The following RPN2 variants were observed in gnomAD, a reference collection of about 807,000 sequenced individuals.
RPN2 encodes the protein ribophorin II.
Under a neutral mutation model 71.4 loss-of-function variants are expected in RPN2, and 29 were observed. The observed-to-expected ratio is 0.41, with a 90% CI of 0.30 to 0.55. RPN2 has a LOEUF of 0.55. Ranked by LOEUF, RPN2 falls within the 20% of genes least tolerant of loss-of-function variation. The pLI is 0.35. For missense variants in RPN2, 726 were observed against 774.1 expected, an observed-to-expected ratio of 0.94 and a Z score of 0.74; for synonymous variants, 308 against 305.0, an observed-to-expected ratio of 1.01 and a Z score of -0.10.
At chr20:37,215,636 C>T (rs960839195) in intron 9 of RPN2, among the ~76,000 whole-genome samples, 4 of 152,048 alleles carry the variant, frequency 2.6e-5, no homozygotes, top group African/African-American at 9.7e-5. Flanking sequence ...CTTTTCACTT[C>T]TACCTTCTAG....
At chr20:37,217,257 A>G (rs187091395) in intron 9 of RPN2, among the ~76,000 whole-genome samples, 5 of 148,262 alleles carry the variant, frequency 3.4e-5, no homozygotes, top group South Asian at 2.2e-4. Context: ...GAGAACTCCT[A>G]TGGGTGAAAA....
At chr20:37,185,595 T>C (rs1327694783) in intron 2 of RPN2, among the ~76,000 whole-genome samples, 1 of 152,122 alleles carries the variant, frequency 6.6e-6, no homozygotes, top group Non-Finnish European at 1.5e-5. Context: ...CACCGACTTA[T>C]TGGCTTATAT....
intron 9 of RPN2, among the ~76,000 whole-genome samples, chr20:37,223,025 T>C (rs114803775): frequency 0.03 from 4,561 of 152,294 alleles, 218 homozygotes; most frequent in African/African-American, 0.1. Context: ...ATTCTTTAGG[T>C]GGTCAACTGG....
chr20:37,237,786 A>G (rs1024856662), intron 16 of RPN2, among the ~76,000 whole-genome samples: 1 of 152,200 alleles, frequency 6.6e-6, no homozygotes, highest in African/African-American at 2.4e-5. Flanking sequence ...GCCAGGACTC[A>G]GTTGCTTTTG....
At chr20:37,189,901 G>T (rs1385502980) in intron 2 of RPN2, among the ~76,000 whole-genome samples, 2 of 152,186 alleles carry the variant, frequency 1.3e-5, no homozygotes, top group Non-Finnish European at 2.9e-5. Context: ...CACTGTATTC[G>T]CAGTGCCTTT....
At chr20:37,206,012 G>A (rs989911004) in intron 6 of RPN2, among the ~76,000 whole-genome samples, 2 of 152,158 alleles carry the variant, frequency 1.3e-5, no homozygotes, top group African/African-American at 2.4e-5. Flanking sequence ...TGTCAACAGA[G>A]TAGTGATGGA....
At chr20:37,182,718 C>T (rs1378294878) in intron 1 of RPN2, among the ~76,000 whole-genome samples, 1 of 152,086 alleles carries the variant, frequency 6.6e-6, no homozygotes, top group Admixed American at 6.6e-5. Flanking sequence ...TTCAAGGATT[C>T]TAGTTCAAGC....
At chr20:37,215,324 G>A (rs900966198) in intron 9 of RPN2, among the ~76,000 whole-genome samples, 13 of 152,292 alleles carry the variant, frequency 8.5e-5, no homozygotes, top group African/African-American at 3.1e-4. Flanking sequence ...TTGGCAGAAA[G>A]GAAGATGTTT....
intron 15 of RPN2, among the ~76,000 whole-genome samples, chr20:37,235,032 C>T (rs916982176): frequency 2.6e-5 from 4 of 152,104 alleles, no homozygotes; most frequent in Non-Finnish European, 4.4e-5. Flanking sequence ...ACTATCTGTG[C>T]GCCCATAGTA....
At chr20:37,226,923 G>T (rs2146674465) in intron 11 of RPN2, among the ~76,000 whole-genome samples, 1 of 152,336 alleles carries the variant, frequency 6.6e-6, no homozygotes, top group East Asian at 1.9e-4. Context: ...GGGGTACCCT[G>T]TACCGATGCT....
chr20:37,183,606 C>T (rs1053419595), intron 1 of RPN2, among the ~76,000 whole-genome samples: 7 of 152,202 alleles, frequency 4.6e-5, no homozygotes, highest in Admixed American at 1.3e-4. Context: ...GGGCACATTG[C>T]TAATAAATGG....
intron 2 of RPN2, among the ~76,000 whole-genome samples, chr20:37,189,282 A>G (rs940492374): frequency 5.3e-5 from 8 of 151,300 alleles, no homozygotes; most frequent in African/African-American, 1.7e-4. Flanking sequence ...TTGGTGCTCA[A>G]AATGTTCCAT....
chr20:37,209,897 A>T (rs2067615462), intron 7 of RPN2, 150 bp from the exon 8 acceptor site: 2 of 1,341,338 alleles, frequency 1.5e-6, no homozygotes, highest in Non-Finnish European at 1.0e-6. Flanking sequence ...CTTTAGGATT[A>T]GGCAGCAGGC....
chr20:37,203,644 A>G (rs183077581), intron 4 of RPN2, among the ~76,000 whole-genome samples: 27 of 152,318 alleles, frequency 1.8e-4, no homozygotes, highest in African/African-American at 3.1e-4. Context: ...GCCCAGCCCA[A>G]TGCCCACGGT....
At chr20:37,217,726 TTTTTTTC>T (rs1311095248) in intron 9 of RPN2, among the ~76,000 whole-genome samples, 3 of 146,446 alleles carry the variant, frequency 2.0e-5, no homozygotes, top group Non-Finnish European at 4.5e-5. Flanking sequence ...ACTTAGCTTT[TTTTTTTC>T]TTTTTTCTTT....
At chr20:37,213,198 A>G (rs1170216399) in intron 8 of RPN2, among the ~76,000 whole-genome samples, 1 of 152,160 alleles carries the variant, frequency 6.6e-6, no homozygotes, top group East Asian at 1.9e-4. Context: ...AAACTTCTCA[A>G]TTTTACATTA....
At chr20:37,197,549 G>A (rs985120046) in intron 2 of RPN2, among the ~76,000 whole-genome samples, 1 of 152,190 alleles carries the variant, frequency 6.6e-6, no homozygotes, top group Non-Finnish European at 1.5e-5. Flanking sequence ...GGTATTACCT[G>A]TGCATGAGCT....
At chr20:37,202,133 A>G (rs1162361611) in intron 4 of RPN2, among the ~76,000 whole-genome samples, 1 of 152,230 alleles carries the variant, frequency 6.6e-6, no homozygotes, top group African/African-American at 2.4e-5. Context: ...CTCTCATTCC[A>G]AAGAGAAAAA....
At chr20:37,222,095 G>C (rs1192912000) in intron 9 of RPN2, among the ~76,000 whole-genome samples, 2 of 152,190 alleles carry the variant, frequency 1.3e-5, no homozygotes, top group Non-Finnish European at 2.9e-5. Flanking sequence ...GTCAGTACTT[G>C]TCGGGTTGTG....
Sources: gnomAD v4.1 joint callset for allele counts (sites outside exome capture counted in the v4.1 genomes callset) on GRCh38, gnomAD v4.1.1 for gene constraint, MANE v1.5 for transcripts, NCBI Gene and HGNC (gene_info 2026-07-23, HGNC 2026-07-21) for gene names.